ZC3H12C: variants seen among roughly 807,000 people sequenced by gnomAD.
ZC3H12C encodes the protein zinc finger CCCH-type containing 12C.
A neutral mutation model predicts 76.3 loss-of-function variants in ZC3H12C; 20 were observed. The observed-to-expected ratio is 0.26, with a 90% CI of 0.18 to 0.38. ZC3H12C has a LOEUF of 0.38. Ranked by LOEUF, ZC3H12C falls within the 10% of genes least tolerant of loss-of-function variation. The pLI, the probability that ZC3H12C is intolerant of heterozygous loss-of-function variation, is 1.00. For missense variants in ZC3H12C, 874 were observed against 1,086.5 expected, an observed-to-expected ratio of 0.80 and a Z score of 2.75; for synonymous variants, 352 against 399.6, an observed-to-expected ratio of 0.88 and a Z score of 1.42.
intron 1 of ZC3H12C, among the ~76,000 whole-genome samples, chr11:110,126,216 CTTTTTTTT>C (rs56199067): frequency 1.2e-5 from 1 of 86,262 alleles, no homozygotes; most frequent in African/African-American, 4.2e-5. Flanking sequence ...TTGTTTTCTT[CTTTTTTTT>C]TTTTTTTTTT....
At chr11:110,126,183 G>A (rs1861741153) in intron 1 of ZC3H12C, among the ~76,000 whole-genome samples, 1 of 150,826 alleles carries the variant, frequency 6.6e-6, no homozygotes, top group East Asian at 1.9e-4. Flanking sequence ...TTTCTTTTAG[G>A]ATTTGAATAG....
intron 1 of ZC3H12C, among the ~76,000 whole-genome samples, chr11:110,121,398 C>T (rs1861648797): frequency 6.6e-6 from 1 of 152,186 alleles, no homozygotes. Flanking sequence ...GGCAGCTGTT[C>T]AGGATGATTC....
intron 1 of ZC3H12C, among the ~76,000 whole-genome samples, chr11:110,099,395 T>C (rs369940544): frequency 9.2e-5 from 14 of 152,318 alleles, no homozygotes; most frequent in South Asian, 4.1e-4. Flanking sequence ...TTGAAAGTGC[T>C]TGATTTCAAA....
At chr11:110,154,191 G>A (rs1220348314) in intron 3 of ZC3H12C, among the ~76,000 whole-genome samples, 1 of 152,058 alleles carries the variant, frequency 6.6e-6, no homozygotes, top group African/African-American at 2.4e-5. Flanking sequence ...GGGCAACATG[G>A]TGAAACTCTG....
At position 110,137,118 on chromosome 11, in the gene ZC3H12C, G is replaced by A; in HGVS notation, c.477G>A (p.Val159=). 6.2e-7 allele frequency: 1 copy of A among 1,613,834 alleles called. No individual in the cohort carries two copies. Among genetic ancestry groups the A allele is most frequent in the East Asian group, 2.2e-5 (1 of 44,882 alleles). The part of the protein sequence containing the change: ...SKEAKKPPDV[V]REYQTKLEFA... ...AAGCAAAGAAACCACCTGATGTGGTGCGAGAATACCAAACAAAACTGGAGT... is the reference window on the plus strand; with the variant it reads ...AAGCAAAGAAACCACCTGATGTGGTACGAGAATACCAAACAAAACTGGAGT... Residue 159 remains valine, a synonymous_variant, in exon 2 of 6, where the codon GTG becomes GTA. Coordinates refer to ENST00000278590, the MANE Select transcript of ZC3H12C (RefSeq NM_033390.2).
At chr11:110,117,914 TTATA>T (rs200347270) in intron 1 of ZC3H12C, among the ~76,000 whole-genome samples, 2 of 107,186 alleles carry the variant, frequency 1.9e-5, no homozygotes, top group Non-Finnish European at 3.8e-5. Flanking sequence ...CACATATATA[TTATA>T]TATATACACA....
At chr11:110,150,353 A>AG (rs1862249250) in intron 2 of ZC3H12C, among the ~76,000 whole-genome samples, 1 of 77,270 alleles carries the variant, frequency 1.3e-5, no homozygotes, top group South Asian at 5.8e-4. Flanking sequence ...ATAGGTTTTC[A>AG]ATTTCATTTT....
chr11:110,113,226 G>T (rs923844560), intron 1 of ZC3H12C, among the ~76,000 whole-genome samples: 1 of 151,974 alleles, frequency 6.6e-6, no homozygotes, highest in Non-Finnish European at 1.5e-5. Context: ...GTTGAGTATG[G>T]GAAAAAATTT....
chr11:110,093,514 G>A, intron 1 of ZC3H12C, 82 bp downstream of exon 1: 2 of 1,066,932 alleles, frequency 1.9e-6, no homozygotes, highest in Non-Finnish European at 2.3e-6. Context: ...AGGGCCGCGG[G>A]GCCGCGCCCG....
chr11:110,108,128 T>C (rs1259283264), intron 1 of ZC3H12C, among the ~76,000 whole-genome samples: 2 of 152,024 alleles, frequency 1.3e-5, no homozygotes, highest in African/African-American at 4.8e-5. Flanking sequence ...TTGTTTTGTT[T>C]TGTTTTTGGT....
chr11:110,147,378 A>G (rs1862190313), intron 2 of ZC3H12C, among the ~76,000 whole-genome samples: 1 of 152,066 alleles, frequency 6.6e-6, no homozygotes, highest in Admixed American at 6.5e-5. Flanking sequence ...TTCCATTGAG[A>G]TGAAAAAATA....
chr11:110,107,505 A>G (rs193292605), intron 1 of ZC3H12C, among the ~76,000 whole-genome samples: 1 of 152,030 alleles, frequency 6.6e-6, no homozygotes. Flanking sequence ...ACACACCACT[A>G]TACCCAGCTA....
intron 1 of ZC3H12C, among the ~76,000 whole-genome samples, chr11:110,123,062 C>T (rs1456390313): frequency 1.3e-5 from 2 of 152,028 alleles, no homozygotes; most frequent in African/African-American, 4.8e-5. Flanking sequence ...TTGTTTATTT[C>T]TGGAATTGTT....
chr11:110,117,966 C>CACACACATATATATTATATATAT (rs1262792639), intron 1 of ZC3H12C, among the ~76,000 whole-genome samples: 2 of 32,288 alleles, frequency 6.2e-5, no homozygotes, highest in Non-Finnish European at 1.4e-4. Context: ...CACATATATA[C>CACACACATATATATTATATATAT]ACACACATAT....
intron 1 of ZC3H12C, among the ~76,000 whole-genome samples, chr11:110,123,018 C>T (rs1381956652): frequency 3.3e-5 from 5 of 152,144 alleles, no homozygotes. Context: ...TTATACTGCT[C>T]AGAACGGCAC....
chr11:110,163,161 A>G, intron 4 of ZC3H12C, 112 bp from the exon 5 acceptor site: 1 of 825,610 alleles, frequency 1.2e-6, no homozygotes, highest in Admixed American at 3.1e-5. Flanking sequence ...AAACACTTGG[A>G]TTAAAATTGC....
At chr11:110,158,652 G>T (rs1158242665) in intron 3 of ZC3H12C, among the ~76,000 whole-genome samples, 2 of 152,152 alleles carry the variant, frequency 1.3e-5, no homozygotes, top group African/African-American at 4.8e-5. Flanking sequence ...TTGTCACCAT[G>T]TCTCACAGAA....
At chr11:110,139,519 G>A (rs181283414) in intron 2 of ZC3H12C, among the ~76,000 whole-genome samples, 12 of 152,238 alleles carry the variant, frequency 7.9e-5, no homozygotes, top group East Asian at 5.8e-4. Flanking sequence ...AAAGAATCTC[G>A]CCAAGTGTCA....
intron 1 of ZC3H12C, among the ~76,000 whole-genome samples, chr11:110,118,130 T>C (rs957524377): frequency 1.4e-5 from 2 of 145,266 alleles, no homozygotes; most frequent in Non-Finnish European, 3.0e-5. Context: ...TATACACACA[T>C]ATATATATAT....
Sources: gnomAD v4.1 joint callset for allele counts (sites outside exome capture counted in the v4.1 genomes callset) on GRCh38, gnomAD v4.1.1 for gene constraint, MANE v1.5 for transcripts, NCBI Gene and HGNC (gene_info 2026-07-23, HGNC 2026-07-21) for gene names.